The following DNAH8 variants were observed in gnomAD, a reference collection of about 807,000 sequenced individuals.
The protein encoded by DNAH8 is dynein axonemal heavy chain 8, also known as axonemal beta dynein heavy chain 8.
Under a neutral mutation model 562.1 loss-of-function variants are expected in DNAH8, and 382 were observed. The observed-to-expected ratio is 0.68, with a 90% CI of 0.63 to 0.74. The LOEUF is 0.74. Ranked by LOEUF, DNAH8 falls within the 30% of genes least tolerant of loss-of-function variation. The pLI is 0.00. For synonymous variants in DNAH8, 1,881 were observed against 1,919.4 expected, an observed-to-expected ratio of 0.98 and a Z score of 0.52; for missense variants, 5,203 against 5,620.4, an observed-to-expected ratio of 0.93 and a Z score of 2.37.
In DNAH8 at chr6:38,929,677, T is replaced by TAAAAAAAAAAAAAAAAA; in HGVS notation, c.11274+26_11274+27insAAAAAAAAAAAAAAAAA. 2 of 1,097,532 alleles carry TAAAAAAAAAAAAAAAAA rather than the reference T, an allele frequency of 1.8e-6. No individual in the cohort carries two copies. Among genetic ancestry groups the TAAAAAAAAAAAAAAAAA allele is most frequent in the Non-Finnish European group, 1.2e-6 (1 of 852,804 alleles). 68.0% of individuals were successfully genotyped at this position (1,097,532 alleles called of 1,614,324 possible). On this transcript the variant is annotated intron_variant, in intron 75 of 92. Coordinates refer to ENST00000327475, the MANE Select transcript of DNAH8 (RefSeq NM_001206927.2). ...GGCACCACTTTCAAGGTGAGCTTTG[T>TAAAAAAAAAAAAAAAAA]AAAAAAAAAAAAAAAGAAAGAAAGA...
At chr6:38,882,229 G>A (rs1206005305) in intron 53 of DNAH8, among the ~76,000 whole-genome samples, 1 of 152,078 alleles carries the variant, frequency 6.6e-6, no homozygotes, top group South Asian at 2.1e-4. Flanking sequence ...TCAAAGGAAC[G>A]TATATCATTC....
chr6:38,796,915 C>T (rs1770319749), intron 21 of DNAH8, among the ~76,000 whole-genome samples: 1 of 152,158 alleles, frequency 6.6e-6, no homozygotes. Flanking sequence ...TTAACCCATC[C>T]TCCATATTAA....
intron 41 of DNAH8, among the ~76,000 whole-genome samples, chr6:38,855,138 G>A (rs1206269819): frequency 6.6e-6 from 1 of 151,508 alleles, no homozygotes; most frequent in African/African-American, 2.4e-5. Context: ...TAACTATCAA[G>A]TTAATTTAAC....
chr6:38,832,433 T>G lies in DNAH8; in HGVS notation c.4300T>G (p.Leu1434Val). 2 of 1,561,022 alleles carry G rather than the reference T, an allele frequency of 1.3e-6. No individual in the cohort carries two copies. The highest frequency in any genetic ancestry group is 2.2e-5 in the South Asian group (2 of 89,806). The part of the protein sequence containing the change: ...DVINFAEAYE[L>V]EGPMVPNIPP... ...GATAAACTTTGCAGAAGCATATGAA[T>G]TGGTAATTTAAGTATTTTCTTGCTG... Residue 1434 changes from leucine (L) to valine (V), a missense_variant and splice_region_variant, in exon 31 of 93, where the codon TTG becomes GTG. Leu to Val is a conservative substitution (Grantham distance 32, BLOSUM62 1). This residue lies in a region of DNAH8 where 2,176 missense variants were observed against 2,365.1 expected (regional missense o/e 0.92). Coordinates refer to ENST00000327475, the MANE Select transcript of DNAH8 (RefSeq NM_001206927.2).
Position 38,789,882 on chromosome 6 carries a change from A to G in DNAH8, c.2663A>G (p.Lys888Arg). Residue 888 changes from lysine to arginine, a missense_variant and splice_region_variant, in exon 19 of 93, where the codon AAG becomes AGG. By Grantham distance (26) the Lys-to-Arg change is conservative (BLOSUM62 2). Coordinates refer to ENST00000327475, the MANE Select transcript of DNAH8 (RefSeq NM_001206927.2). ...FVNLMTPKMK[K>R]VESVLRQGLT... ...AATCTGATGACCCCAAAAATGAAAA[A>G]GGTTGGTATTGCTGAAGGTTTGTAT... 6.2e-7 allele frequency: 1 copy of G among 1,606,796 alleles called. No individual in the cohort carries two copies. Among genetic ancestry groups the G allele is most frequent in the Non-Finnish European group, 8.5e-7 (1 of 1,174,062 alleles).
chr6:38,753,016 ATGGATGCTGTCACCCAGG>A (rs1482949686), intron 9 of DNAH8, among the ~76,000 whole-genome samples: 2 of 152,052 alleles, frequency 1.3e-5, no homozygotes, highest in Non-Finnish European at 2.9e-5. Flanking sequence ...GGTTTGGGGT[ATGGATGCTGTCACCCAGG>A]TAGTGAGTAC....
At chr6:38,802,912 A>T (rs1369217843) in intron 21 of DNAH8, among the ~76,000 whole-genome samples, 1 of 152,236 alleles carries the variant, frequency 6.6e-6, no homozygotes, top group Non-Finnish European at 1.5e-5. Flanking sequence ...ACCTATGTGA[A>T]TATCAAGGTA....
At chr6:38,970,757 T>C (rs188171874) in intron 82 of DNAH8, among the ~76,000 whole-genome samples, 137 of 152,330 alleles carry the variant, frequency 9.0e-4, no homozygotes, top group Non-Finnish European at 1.2e-3. Flanking sequence ...GTACAGGGAT[T>C]ATGCCTCTAG....
chr6:38,811,770 G>A (rs1378159963), intron 24 of DNAH8, among the ~76,000 whole-genome samples: 3 of 152,108 alleles, frequency 2.0e-5, no homozygotes, highest in Non-Finnish European at 2.9e-5. Context: ...CTCTTTGAGC[G>A]AGAGCTTTGT....
chr6:38,815,330 T>C (rs909737192), intron 25 of DNAH8, 138 bp from the exon 26 acceptor site: 1 of 585,652 alleles, frequency 1.7e-6, no homozygotes, highest in South Asian at 2.8e-5. Context: ...CATCTTCCTC[T>C]ATCATTCTCC....
intron 81 of DNAH8, 88 bp downstream of exon 81, chr6:38,949,658 T>C (rs1761723188): frequency 1.3e-6 from 1 of 787,066 alleles, no homozygotes. Flanking sequence ...CTTCACTATA[T>C]CACTGTCATT....
Position 38,921,470 on chromosome 6 carries a change from A to G in DNAH8, c.10626A>G (p.Val3542=). The change falls in exon 71 of 93, where the codon GTA becomes GTG. Residue 3542 remains valine (V), a synonymous_variant. Transcript: ENST00000327475. ...AGAAGCAAGCTGAGCTGGATAAAGT[A>G]CAGGCAAAATTTGATGCAGCAATGA... ...LDEKQAELDK[V]QAKFDAAMNE... The G allele has an allele frequency of 6.2e-7, 1 of 1,613,696 alleles. No individual in the cohort carries two copies. Among genetic ancestry groups the G allele is most frequent in the Non-Finnish European group, 8.5e-7 (1 of 1,179,788 alleles).
At chr6:38,917,442 G>A in intron 69 of DNAH8, 36 bp downstream of exon 69, 1 of 1,574,248 alleles carries the variant, frequency 6.4e-7, no homozygotes, top group Non-Finnish European at 8.7e-7. Flanking sequence ...CCTATGAGCT[G>A]CATCAGGCGT....
intron 33 of DNAH8, among the ~76,000 whole-genome samples, chr6:38,840,050 T>G (rs1029177060): frequency 2.0e-5 from 3 of 152,216 alleles, no homozygotes; most frequent in Non-Finnish European, 4.4e-5. Context: ...TGAAGATGTA[T>G]ATATACAAAA....
chr6:38,840,947 A>G (rs1483592727), intron 33 of DNAH8, among the ~76,000 whole-genome samples: 1 of 152,108 alleles, frequency 6.6e-6, no homozygotes, highest in Non-Finnish European at 1.5e-5. Context: ...AGGCAATGTC[A>G]TCATTCTCTT....
chr6:38,747,404 T>G (rs1468986620), intron 8 of DNAH8, among the ~76,000 whole-genome samples: 1 of 102,192 alleles, frequency 9.8e-6, no homozygotes, highest in Admixed American at 1.1e-4. Flanking sequence ...TTTTTTTTTT[T>G]GAGGCAAAAT....
rs571694023 is a variant in DNAH8 at position 38,885,034 on chromosome 6, A to G, written c.8259+1036A>G. On this transcript the variant is annotated intron_variant, in intron 56 of 92. Transcript: ENST00000327475. ...AGACACCACTAGAAGCTCAGTACTC[A>G]TCCTGTGGCGAAAAACCAAACAGTT... 4.3e-3 allele frequency among the ~76,000 whole-genome samples: 660 copies of G among 152,242 alleles called. 4 individuals are homozygous for G. Among genetic ancestry groups the G allele is most frequent in the Non-Finnish European group, 6.9e-3 (470 of 68,000 alleles).
intron 12 of DNAH8, 116 bp downstream of exon 12, chr6:38,770,675 G>A (rs1051476316): frequency 2.0e-6 from 2 of 1,000,812 alleles, no homozygotes; most frequent in African/African-American, 3.3e-5. Flanking sequence ...CTATTGTTAT[G>A]ACTTGTCTAA....
In DNAH8 at chr6:38,917,237, A is replaced by G; in HGVS notation, c.10141-2A>G. On this transcript the variant is annotated splice_acceptor_variant, in intron 68 of 92. Transcript: ENST00000327475. LOFTEE classifies it high-confidence loss of function. ...AATATTGATCCTTAATCCCAAATAT[A>G]GACTATCAAGCCAAATGATATTGCC... The G allele has an allele frequency of 3.7e-6, 6 of 1,602,158 alleles. No homozygotes were observed. The highest frequency in any genetic ancestry group is 5.1e-6 in the Non-Finnish European group (6 of 1,173,818).
Sources: allele counts gnomAD v4.1 joint callset (sites outside exome capture counted in the v4.1 genomes callset), GRCh38; gene constraint gnomAD v4.1.1; regional missense constraint gnomAD v4.1.1; transcripts MANE v1.5; gene names NCBI Gene and HGNC (gene_info 2026-07-23, HGNC 2026-07-21).